The following COMMD1 variants were observed in gnomAD, a reference collection of about 807,000 sequenced individuals.
COMMD1 encodes copper metabolism domain containing 1, also known as COMM domain-containing protein 1.
In COMMD1, 10 loss-of-function variants were observed where a neutral mutation model predicts 17.2. The observed-to-expected ratio is 0.58, with a 90% confidence interval of 0.36 to 0.99. The LOEUF (loss-of-function observed/expected upper bound fraction) is 0.99, where lower values mean the gene tolerates loss of function less well. COMMD1 is among the 50% of genes least tolerant of loss of function. COMMD1 has a pLI of 0.01. For missense variants in COMMD1, 270 were observed against 231.8 expected (o/e 1.17, Z -1.07); for synonymous variants, 97 against 91.6 (o/e 1.06, Z -0.34).
At position 61,919,890 on chromosome 2, in the gene COMMD1, G is replaced by A. The variant is rs542389089; in HGVS notation, c.180+14032G>A. Among the ~76,000 whole-genome samples, 9 of 152,200 alleles carry A rather than the reference G, an allele frequency of 5.9e-5. No homozygotes were observed. In the South Asian group the frequency reaches 1.7e-3, roughly 28 times the overall value. The stretch of plus-strand genomic sequence containing the variant: ...GCCTATAATCCCAGCACTTTGGGAG[G>A]CTGAGGTGGGAGGATTGCTTGAGGC... On this transcript the variant is annotated intron_variant, in intron 1 of 2. Transcript: ENST00000311832.
intron 1 of COMMD1, among the ~76,000 whole-genome samples, chr2:61,927,795 G>T (rs1470967573): frequency 6.7e-6 from 1 of 150,188 alleles, no homozygotes; most frequent in African/African-American, 2.5e-5. Context: ...TTTGTTTTGA[G>T]ACTGAGTTTC....
At chr2:62,027,649 ATGTTATGTTG>A (rs1403872289) in intron 2 of COMMD1, among the ~76,000 whole-genome samples, 3,869 of 147,722 alleles carry the variant, frequency 0.026, 176 homozygotes, top group African/African-American at 0.096. Flanking sequence ...ATGTTATGTT[ATGTTATGTTG>A]TGTTATGTTA....
intron 1 of COMMD1, among the ~76,000 whole-genome samples, chr2:61,899,685 G>GT (rs907632783): frequency 1.1e-4 from 16 of 152,014 alleles, no homozygotes; most frequent in Non-Finnish European, 2.1e-4. Context: ...TTGTTTGTTT[G>GT]TTTTTTTGAG....
chr2:62,019,565 A>G (rs1419515979), intron 2 of COMMD1, among the ~76,000 whole-genome samples: 1 of 152,020 alleles, frequency 6.6e-6, no homozygotes, highest in African/African-American at 2.4e-5. Context: ...ACCTCCCAAC[A>G]CTGCTGCACT....
chr2:62,100,232 G>A (rs1672138658), intron 2 of COMMD1: 1 of 152,132 alleles, frequency 6.6e-6, no homozygotes, highest in Non-Finnish European at 1.5e-5. Context: ...GGTTTCACTG[G>A]GCCCCTGCTA....
At chr2:62,056,163 A>G (rs534841081) in intron 2 of COMMD1, among the ~76,000 whole-genome samples, 4 of 152,340 alleles carry the variant, frequency 2.6e-5, no homozygotes, top group African/African-American at 4.8e-5. Flanking sequence ...ATGTGAGTCT[A>G]TGTACTGTGT....
At chr2:61,907,341 G>A (rs1290368391) in intron 1 of COMMD1, among the ~76,000 whole-genome samples, 3 of 152,144 alleles carry the variant, frequency 2.0e-5, no homozygotes, top group Non-Finnish European at 2.9e-5. Flanking sequence ...TCCTGACTTC[G>A]TTATCCGCCT....
intron 1 of COMMD1, among the ~76,000 whole-genome samples, chr2:61,896,244 C>T (rs1669546316): frequency 6.6e-6 from 1 of 152,150 alleles, no homozygotes. Context: ...GGAAGTGGGG[C>T]CTCCTCCAGT....
At chr2:62,020,028 T>C (rs979497848) in intron 2 of COMMD1, among the ~76,000 whole-genome samples, 3 of 152,200 alleles carry the variant, frequency 2.0e-5, no homozygotes, top group African/African-American at 7.2e-5. Context: ...ATTTATAGCA[T>C]CAGCTTACAG....
chr2:62,059,774 CCTGT>C (rs1670807458), intron 2 of COMMD1, among the ~76,000 whole-genome samples: 1 of 152,186 alleles, frequency 6.6e-6, no homozygotes, highest in Non-Finnish European at 1.5e-5. Flanking sequence ...TAGTTTCCAA[CCTGT>C]CTTTGTATTT....
chr2:62,075,529 T>C (rs1425253777), intron 2 of COMMD1, among the ~76,000 whole-genome samples: 1 of 152,226 alleles, frequency 6.6e-6, no homozygotes, highest in African/African-American at 2.4e-5. Flanking sequence ...GTCTCAATTA[T>C]CTCTGGATAT....
At chr2:62,009,730 T>C (rs904828899) in intron 2 of COMMD1, among the ~76,000 whole-genome samples, 1 of 152,018 alleles carries the variant, frequency 6.6e-6, no homozygotes, top group Admixed American at 6.6e-5. Flanking sequence ...TCAAGCTAAC[T>C]CTGAATTAGC....
At chr2:62,100,555 G>A (rs937761701) in intron 2 of COMMD1, among the ~76,000 whole-genome samples, 3 of 152,176 alleles carry the variant, frequency 2.0e-5, no homozygotes, top group Admixed American at 1.3e-4. Context: ...GCAGGAGGCG[G>A]GGAAGGGGAC....
chr2:61,967,321 T>C (rs926416937), intron 1 of COMMD1, among the ~76,000 whole-genome samples: 26 of 152,220 alleles, frequency 1.7e-4, no homozygotes, highest in Admixed American at 2.6e-4. Flanking sequence ...TTTATTAGGT[T>C]AATTGACATA....
At chr2:61,930,269 C>G (rs938586109) in intron 1 of COMMD1, among the ~76,000 whole-genome samples, 2 of 152,088 alleles carry the variant, frequency 1.3e-5, no homozygotes, top group African/African-American at 4.8e-5. Flanking sequence ...TCCAAAGAGA[C>G]TTCTAAGGCC....
intron 2 of COMMD1, among the ~76,000 whole-genome samples, chr2:62,101,437 C>T (rs140551766): frequency 0.012 from 1,764 of 152,168 alleles, 36 homozygotes; most frequent in African/African-American, 0.041. Flanking sequence ...AGCAAGACCC[C>T]ATCTCTACAA....
chr2:62,122,033 C>A (rs748969410), intron 2 of COMMD1, among the ~76,000 whole-genome samples: 3 of 152,124 alleles, frequency 2.0e-5, no homozygotes, highest in African/African-American at 7.2e-5. Flanking sequence ...TCAAGTGATC[C>A]GCCTACATAG....
rs55740628 is a variant in COMMD1, at chr2:62,063,868, AATAT to A, written c.462+62913_462+62916del. On this transcript the variant is annotated intron_variant, in intron 2 of 2. Transcript: ENST00000311832. ...CAACATAGTGACACTGTCTCTACAA[AATAT>A]ATATATATATATATATATATATATA... Among the ~76,000 whole-genome samples the A allele has an allele frequency of 1.9e-3, 154 of 81,116 alleles. 7 individuals are homozygous for A. The highest frequency in any genetic ancestry group is 3.8e-3 in the East Asian group (11 of 2,904). 53.2% of individuals were successfully genotyped at this position (81,116 alleles called of 152,430 possible). A position where few individuals can be genotyped will look rare whatever the true frequency, so the allele number is the denominator to read the frequency against.
chr2:62,100,633 GTTTATC>G (rs1672152619), intron 2 of COMMD1, among the ~76,000 whole-genome samples: 1 of 152,190 alleles, frequency 6.6e-6, no homozygotes, highest in Non-Finnish European at 1.5e-5. Flanking sequence ...AATTGGTTGA[GTTTATC>G]TAAGGACCTA....
Sources: gnomAD v4.1 joint callset for allele counts (sites outside exome capture counted in the v4.1 genomes callset) on GRCh38, gnomAD v4.1.1 for gene constraint, MANE v1.5 for transcripts, NCBI Gene and HGNC (gene_info 2026-07-23, HGNC 2026-07-21) for gene names.